The following NF1 variants were observed in gnomAD, a reference collection of about 807,000 sequenced individuals.
NF1 encodes the protein neurofibromin.
A neutral mutation model predicts 325.7 loss-of-function variants in NF1; 122 were observed. The observed-to-expected ratio is 0.37, with a 90% CI of 0.32 to 0.44. NF1 has a LOEUF of 0.44. Ranked by LOEUF, NF1 falls within the 20% of genes least tolerant of loss-of-function variation. The pLI, the probability that NF1 is intolerant of heterozygous loss-of-function variation, is 1.00. For synonymous variants in NF1, 1,091 were observed against 1,186.0 expected (o/e 0.92, Z 1.65); for missense variants, 2,140 against 3,415.4 (o/e 0.63, Z 9.31).
intron 57 of NF1, chr17:31,362,205 TG>T: frequency 1.9e-6 from 1 of 531,940 alleles, no homozygotes; most frequent in Non-Finnish European, 2.4e-6. Flanking sequence ...AGCACTGCCC[TG>T]GGGTCTGCTT....
chr17:31,147,735 A>C (rs1327422980), intron 1 of NF1, among the ~76,000 whole-genome samples: 1 of 152,192 alleles, frequency 6.6e-6, no homozygotes, highest in Admixed American at 6.5e-5. Flanking sequence ...AACTGTATTT[A>C]CTAAGGTCTC....
intron 24 of NF1, among the ~76,000 whole-genome samples, chr17:31,231,386 A>G (rs2067109990): frequency 1.3e-5 from 2 of 152,204 alleles, no homozygotes; most frequent in African/African-American, 4.8e-5. Flanking sequence ...ATTAAACACT[A>G]TGGACTGTAT....
chr17:31,332,213 C>G (rs2069517840), intron 39 of NF1, among the ~76,000 whole-genome samples: 1 of 152,132 alleles, frequency 6.6e-6, no homozygotes, highest in Non-Finnish European at 1.5e-5. Context: ...CGCCTGTAAT[C>G]CCAGCACTTT....
chr17:31,303,367 A>G (rs2068619447), intron 36 of NF1, among the ~76,000 whole-genome samples: 1 of 152,188 alleles, frequency 6.6e-6, no homozygotes, highest in Non-Finnish European at 1.5e-5. Flanking sequence ...ACCAATTGTC[A>G]GATAATGGAT....
At position 31,340,634 on chromosome 17, in the gene NF1, T is replaced by G; in HGVS notation, c.7051T>G (p.Phe2351Val). 1 of 1,614,148 alleles carries G rather than the reference T, an allele frequency of 6.2e-7. No homozygotes were observed. Among genetic ancestry groups the G allele is most frequent in the Non-Finnish European group, 8.5e-7 (1 of 1,179,998 alleles). ...GCATACTTTAGATAGTCTCCGTATA[T>G]TCAATGACAAGGTAAGCAAACTTTG... ...NLHTLDSLRI[F>V]NDKSPEEVFM... The change falls in exon 47 of 58, where the codon TTC becomes GTC. Residue 2351 changes from phenylalanine to valine, a missense_variant. Coordinates refer to ENST00000358273, the MANE Select transcript of NF1 (RefSeq NM_001042492.3).
At chr17:31,337,731 G>A in intron 43 of NF1, 88 bp from the exon 44 acceptor site, 2 of 1,459,170 alleles carry the variant, frequency 1.4e-6, no homozygotes, top group African/African-American at 1.4e-5. Flanking sequence ...TTGGTAACAG[G>A]TCACTTAATG....
At chr17:31,131,102 C>G (rs1162981865) in intron 1 of NF1, among the ~76,000 whole-genome samples, 1 of 152,218 alleles carries the variant, frequency 6.6e-6, no homozygotes, top group Non-Finnish European at 1.5e-5. Context: ...GAGTTCAGGT[C>G]TGGCAGTTCC....
At chr17:31,326,290 T>C (rs751402760) in intron 37 of NF1, 38 bp downstream of exon 37, 8 of 1,581,392 alleles carry the variant, frequency 5.1e-6, no homozygotes, top group Non-Finnish European at 6.9e-6. Flanking sequence ...GATTCATTGC[T>C]TTTCTTGACT....
chr17:31,176,948 A>G (rs1169758918), intron 5 of NF1, among the ~76,000 whole-genome samples: 3 of 152,122 alleles, frequency 2.0e-5, no homozygotes, highest in Admixed American at 2.0e-4. Context: ...TGATTCCTCC[A>G]GCTTTGTTCT....
Position 31,189,007 on chromosome 17 carries a change from CCTGA to C in NF1, c.888+6345_888+6348del, listed in dbSNP as rs2066291490. Among the ~76,000 whole-genome samples the C allele has an allele frequency of 2.6e-5, 4 of 152,134 alleles. No individual in the cohort carries two copies. The South Asian group carries it at 8.3e-4, about 32-fold the overall frequency. The stretch of plus-strand genomic sequence containing the variant: ...CCTTAATTCTGTCCCTCTAGAGAAC[CCTGA>C]CTAATACAGTAGGGTGTTTTTTGTT... On this transcript the variant is annotated intron_variant, in intron 8 of 57. Transcript: ENST00000358273.
At chr17:31,114,364 C>A (rs749960787) in intron 1 of NF1, among the ~76,000 whole-genome samples, 1 of 151,816 alleles carries the variant, frequency 6.6e-6, no homozygotes, top group Non-Finnish European at 1.5e-5. Flanking sequence ...CAGTGAAACC[C>A]CGTTTCTACT....
intron 13 of NF1, among the ~76,000 whole-genome samples, chr17:31,217,825 C>T (rs912930177): frequency 2.0e-5 from 3 of 149,996 alleles, no homozygotes; most frequent in East Asian, 2.1e-4. Flanking sequence ...ATTAGCTAGA[C>T]GTGGTGGCGC....
At chr17:31,220,810 A>C (rs2066908549) in intron 14 of NF1, among the ~76,000 whole-genome samples, 2 of 152,142 alleles carry the variant, frequency 1.3e-5, no homozygotes, top group Admixed American at 1.3e-4. Flanking sequence ...AAATATAGAG[A>C]ATTTGTCACT....
chr17:31,296,302 G>A (rs1163136238), intron 36 of NF1: 2 of 1,613,902 alleles, frequency 1.2e-6, no homozygotes, highest in Non-Finnish European at 1.7e-6. Flanking sequence ...TGAACAGGCA[G>A]AGAGACATTT....
In NF1 at chr17:31,210,055, G is replaced by A. The variant is rs186405772; in HGVS notation, c.1392+3684G>A. Among the ~76,000 whole-genome samples, 20 of 152,316 alleles carry A rather than the reference G, an allele frequency of 1.3e-4. No individual in the cohort carries two copies. In the East Asian group the frequency reaches 2.5e-3, roughly 19 times the overall value. ...TATTAATAACAAATGCATGGTTAAT[G>A]AACAGTCAACCAGAGTTAGTTCTGA... On this transcript the variant is annotated intron_variant, in intron 12 of 57. Transcript: ENST00000358273.
At chr17:31,304,919 G>C in intron 36 of NF1, 1 of 1,614,094 alleles carries the variant, frequency 6.2e-7, no homozygotes, top group Non-Finnish European at 8.5e-7. Context: ...TTTAAAACTG[G>C]TTTCCTTAAG....
chr17:31,142,819 A>T (rs1049994645), intron 1 of NF1, among the ~76,000 whole-genome samples: 2 of 151,932 alleles, frequency 1.3e-5, no homozygotes, highest in Admixed American at 1.3e-4. Flanking sequence ...GTGAACCGAG[A>T]TCGCGCCACT....
intron 12 of NF1, among the ~76,000 whole-genome samples, chr17:31,211,955 T>G (rs202090396): frequency 2.0e-5 from 3 of 152,170 alleles, no homozygotes; most frequent in Non-Finnish European, 4.4e-5. Flanking sequence ...AACACTACAC[T>G]TAAGCTATAT....
chr17:31,340,716 T>C, intron 47 of NF1, 71 bp downstream of exon 47: 1 of 1,510,248 alleles, frequency 6.6e-7, no homozygotes, highest in Non-Finnish European at 9.1e-7. Flanking sequence ...CTTGTTGCTA[T>C]TCTTTTAAAA....
Sources: allele counts gnomAD v4.1 joint callset (sites outside exome capture counted in the v4.1 genomes callset), GRCh38; gene constraint gnomAD v4.1.1; transcripts MANE v1.5; gene names NCBI Gene and HGNC (gene_info 2026-07-23, HGNC 2026-07-21).